Variants in CRACD observed in about 807,000 individuals in gnomAD.
The protein encoded by CRACD is capping protein-inhibiting regulator of actin dynamics.
CRACD carries 56 observed loss-of-function variants against 106.8 expected under a neutral mutation model. That is an observed-to-expected ratio of 0.52 (90% CI 0.42 to 0.66). The LOEUF is 0.66. Among genes scored for constraint, CRACD ranks in the 30% least tolerant of loss-of-function variants. The pLI, the probability that CRACD is intolerant of heterozygous loss-of-function variation, is 0.00. For synonymous variants in CRACD, 754 were observed against 670.8 expected (o/e 1.12, Z -1.92); for missense variants, 1,730 against 1,623.2 (o/e 1.07, Z -1.13).
chr4:56,153,488 G>A (rs1262436743), intron 1 of CRACD, among the ~76,000 whole-genome samples: 2 of 151,808 alleles, frequency 1.3e-5, no homozygotes, highest in African/African-American at 4.8e-5. Context: ...ATGTCTTCAC[G>A]CTTCTCTCCA....
chr4:56,251,370 T>C (rs553423614), intron 2 of CRACD, among the ~76,000 whole-genome samples: 8 of 152,200 alleles, frequency 5.3e-5, no homozygotes, highest in Non-Finnish European at 1.0e-4. Flanking sequence ...GAAATTGATA[T>C]TTGAAAGGCA....
chr4:56,248,725 C>A lies in CRACD; in HGVS notation c.-188-23596C>A, dbSNP rs1168940831. ...TATCTCCCAAAGCTATCCCTCCCCC[C>A]TCCCCCCACCCCACAACAGTCCCCA... On this transcript the variant is annotated intron_variant, in intron 2 of 10. Coordinates refer to ENST00000682029, the MANE Select transcript of CRACD (RefSeq NM_001393381.1). 1.3e-4 allele frequency among the ~76,000 whole-genome samples: 15 copies of A among 117,478 alleles called. No individual in the cohort carries two copies. In the South Asian group the frequency reaches 4.7e-3, roughly 37 times the overall value. The allele number at this position is 117,478 out of a possible 152,430, so 77.1% of individuals were successfully genotyped here.
At chr4:56,157,860 T>C (rs1453111436) in intron 1 of CRACD, among the ~76,000 whole-genome samples, 1 of 152,200 alleles carries the variant, frequency 6.6e-6, no homozygotes, top group Non-Finnish European at 1.5e-5. Flanking sequence ...TGGGTCTCTC[T>C]TTTCATTTTG....
intron 1 of CRACD, among the ~76,000 whole-genome samples, chr4:56,056,521 G>C (rs1490125690): frequency 2.0e-5 from 3 of 151,144 alleles, no homozygotes; most frequent in African/African-American, 7.3e-5. Context: ...TGTAATCCCA[G>C]CCTTTGGGAG....
chr4:56,110,661 A>G (rs939499797), intron 1 of CRACD, among the ~76,000 whole-genome samples: 1 of 152,090 alleles, frequency 6.6e-6, no homozygotes, highest in African/African-American at 2.4e-5. Flanking sequence ...TAGTGGTGCA[A>G]TCTTGGCTCA....
At chr4:56,174,790 T>C (rs1298391262) in intron 1 of CRACD, among the ~76,000 whole-genome samples, 2 of 152,190 alleles carry the variant, frequency 1.3e-5, no homozygotes, top group East Asian at 3.9e-4. Flanking sequence ...TATAAAGAAC[T>C]ACCTGAGACT....
At chr4:56,198,887 A>G (rs921223666) in intron 2 of CRACD, among the ~76,000 whole-genome samples, 3 of 152,246 alleles carry the variant, frequency 2.0e-5, no homozygotes, top group African/African-American at 7.2e-5. Flanking sequence ...TTCAGATTTC[A>G]TAAAATCTGA....
intron 1 of CRACD, among the ~76,000 whole-genome samples, chr4:56,128,702 C>T (rs1367050317): frequency 1.3e-5 from 2 of 152,068 alleles, no homozygotes; most frequent in South Asian, 2.1e-4. Context: ...AGGAATTTGA[C>T]GCCAACCTGG....
At chr4:56,084,113 A>C (rs765342308) in intron 1 of CRACD, among the ~76,000 whole-genome samples, 179 of 152,350 alleles carry the variant, frequency 1.2e-3, no homozygotes, top group Admixed American at 3.2e-3. Context: ...GTACTATAAG[A>C]GGCAACATTA....
At chr4:56,267,125 T>A (rs479885) in intron 2 of CRACD, among the ~76,000 whole-genome samples, 152 of 33,840 alleles carry the variant, frequency 4.5e-3, no homozygotes, top group Middle Eastern at 0.031. Flanking sequence ...TTTATTTAAG[T>A]TTTTTTTTTT....
At chr4:56,065,381 C>T (rs1732432319) in intron 1 of CRACD, among the ~76,000 whole-genome samples, 1 of 152,188 alleles carries the variant, frequency 6.6e-6, no homozygotes, top group Non-Finnish European at 1.5e-5. Flanking sequence ...AGCCACTGCG[C>T]CCAGCACCAT....
chr4:56,264,553 C>T (rs1471485740), intron 2 of CRACD, among the ~76,000 whole-genome samples: 1 of 152,194 alleles, frequency 6.6e-6, no homozygotes, highest in African/African-American at 2.4e-5. Context: ...CTGGGCCTCT[C>T]ACCATCTGTT....
In CRACD at chr4:56,314,847, G is replaced by A; in HGVS notation, c.1345G>A (p.Gly449Ser). 6.2e-7 allele frequency: 1 copy of A among 1,611,858 alleles called. No homozygotes were observed. The highest frequency in any genetic ancestry group is 8.5e-7 in the Non-Finnish European group (1 of 1,179,454). ...ACAAAGAGAACACTCCGAGGAGCCAGGTATTTGCGAGGAGCAGAACCCAGA... is the reference window on the plus strand; with the variant it reads ...ACAAAGAGAACACTCCGAGGAGCCAAGTATTTGCGAGGAGCAGAACCCAGA... The part of the protein sequence containing the change: ...EGQREHSEEP[G>S]ICEEQNPEAE... The change falls in exon 8 of 11, where the codon GGT (glycine) becomes AGT (serine). Residue 449 changes from glycine (G) to serine (S), a missense_variant. Physicochemically the swap from Gly to Ser is moderately conservative, Grantham distance 56. This residue lies in a region of CRACD where 1,620 missense variants were observed against 1,481.6 expected (regional missense o/e 1.09). Transcript: ENST00000682029. The surrounding 1 kb of genome is among the most constrained non-coding windows in gnomAD (Gnocchi z 4.4).
intron 1 of CRACD, among the ~76,000 whole-genome samples, chr4:56,067,192 G>GA (rs981837309): frequency 4.7e-5 from 7 of 148,012 alleles, no homozygotes; most frequent in East Asian, 3.9e-4. Context: ...ATCCAGAAGA[G>GA]AAAAAAAAAA....
chr4:56,231,420 A>G (rs984168399), intron 2 of CRACD, among the ~76,000 whole-genome samples: 8 of 152,230 alleles, frequency 5.3e-5, no homozygotes, highest in African/African-American at 1.9e-4. Flanking sequence ...CTCTAATATT[A>G]AAAGCTTCTG....
chr4:56,179,428 T>C lies in CRACD; in HGVS notation c.-191T>C, dbSNP rs1287070216. Reference sequence around the variant, plus strand: ...AGAAAAAGACCTGTGGCTATTAAGATAGGTAAGTCTTTTATGTAGAGTATG... The same window carrying C: ...AGAAAAAGACCTGTGGCTATTAAGACAGGTAAGTCTTTTATGTAGAGTATG... On this transcript the variant is annotated splice_region_variant and 5_prime_UTR_variant, in exon 2 of 11. Transcript: ENST00000682029. The C allele has an allele frequency of 6.6e-6, 1 of 152,174 alleles. No homozygotes were observed. The highest frequency in any genetic ancestry group is 1.5e-5 in the Non-Finnish European group (1 of 68,030). 9.4% of individuals were successfully genotyped at this position (152,174 alleles called of 1,614,324 possible). A position where few individuals can be genotyped will look rare whatever the true frequency, so the allele number is the denominator to read the frequency against.
At chr4:56,271,033 A>T (rs1336999017) in intron 2 of CRACD, among the ~76,000 whole-genome samples, 1 of 149,418 alleles carries the variant, frequency 6.7e-6, no homozygotes, top group African/African-American at 2.5e-5. Context: ...TGAACCCGGG[A>T]GGCAGAGGTT....
At chr4:56,313,142 C>T in intron 6 of CRACD, 55 bp from the exon 7 acceptor site, 3 of 1,505,378 alleles carry the variant, frequency 2.0e-6, no homozygotes. Context: ...TTCTGCGATT[C>T]CCTGCAGGTT....
At chr4:56,298,469 G>A (rs1056000496) in intron 4 of CRACD, 120 bp downstream of exon 4, 13 of 1,201,746 alleles carry the variant, frequency 1.1e-5, no homozygotes, top group African/African-American at 1.5e-5. Context: ...GTCACTCCTG[G>A]TGAGAATTAT....
Sources: gnomAD v4.1 joint callset for allele counts (sites outside exome capture counted in the v4.1 genomes callset) on GRCh38, gnomAD v4.1.1 for gene constraint, gnomAD v4.1.1 regional missense constraint, Gnocchi (gnomAD v3.1) non-coding constraint, MANE v1.5 for transcripts, NCBI Gene and HGNC (gene_info 2026-07-23, HGNC 2026-07-21) for gene names.